PCCA: variants seen among roughly 807,000 people sequenced by gnomAD.
PCCA encodes propionyl-CoA carboxylase subunit alpha.
A neutral mutation model predicts 101.3 loss-of-function variants in PCCA; 74 were observed. The observed-to-expected ratio is 0.73, with a 90% CI of 0.61 to 0.89. PCCA has a LOEUF of 0.89. Among genes scored for constraint, PCCA ranks in the 40% least tolerant of loss-of-function variants. The pLI is 0.00. For synonymous variants in PCCA, 294 were observed against 313.6 expected, an observed-to-expected ratio of 0.94 and a Z score of 0.66; for missense variants, 891 against 907.0, an observed-to-expected ratio of 0.98 and a Z score of 0.23.
chr13:100,521,853 C>A (rs761683596), intron 22 of PCCA, among the ~76,000 whole-genome samples: 4 of 152,158 alleles, frequency 2.6e-5, no homozygotes, highest in Non-Finnish European at 5.9e-5. Flanking sequence ...GGTGGTCCGG[C>A]GTTGCAGAAG....
chr13:100,212,198 A>G (rs2152483714), intron 7 of PCCA, among the ~76,000 whole-genome samples: 1 of 152,318 alleles, frequency 6.6e-6, no homozygotes, highest in South Asian at 2.1e-4. Context: ...CTGAAACTAG[A>G]GATTGGTACT....
intron 20 of PCCA, among the ~76,000 whole-genome samples, chr13:100,448,926 A>G (rs2081031343): frequency 6.6e-6 from 1 of 152,186 alleles, no homozygotes; most frequent in African/African-American, 2.4e-5. Context: ...ACCCCACACC[A>G]ATTAGCAGTC....
At chr13:100,250,555 T>C (rs1432922104) in intron 8 of PCCA, among the ~76,000 whole-genome samples, 4 of 152,164 alleles carry the variant, frequency 2.6e-5, no homozygotes, top group Non-Finnish European at 5.9e-5. Context: ...TACCTGTTTG[T>C]AATAGCTGTA....
At chr13:100,302,778 G>T (rs1407059758) in intron 13 of PCCA, 146 bp from the exon 14 acceptor site, 3 of 686,406 alleles carry the variant, frequency 4.4e-6, no homozygotes, top group Non-Finnish European at 8.1e-6. Flanking sequence ...TAGCGTAAAA[G>T]ACAATAATAT....
intron 6 of PCCA, among the ~76,000 whole-genome samples, chr13:100,206,817 C>T (rs1021088535): frequency 1.3e-5 from 2 of 152,148 alleles, no homozygotes; most frequent in Non-Finnish European, 2.9e-5. Context: ...GAACCAGATC[C>T]TAAGACCTTC....
intron 19 of PCCA, among the ~76,000 whole-genome samples, chr13:100,381,793 T>C (rs1221144198): frequency 6.6e-6 from 1 of 152,232 alleles, no homozygotes; most frequent in African/African-American, 2.4e-5. Context: ...CCAGCCGTTT[T>C]GGCGCCAGTG....
At chr13:100,348,726 T>C (rs111237319) in intron 18 of PCCA, among the ~76,000 whole-genome samples, 52 of 105,756 alleles carry the variant, frequency 4.9e-4, no homozygotes, top group African/African-American at 1.8e-3. Context: ...CCGTTTTTTT[T>C]CCTTTCTTTC....
chr13:100,330,219 A>G (rs1396230771), intron 16 of PCCA, among the ~76,000 whole-genome samples: 2 of 152,216 alleles, frequency 1.3e-5, no homozygotes, highest in Non-Finnish European at 2.9e-5. Context: ...CATTGAGAAA[A>G]AGGAGCTGAT....
At chr13:100,367,725 G>A (rs911355723) in intron 18 of PCCA, among the ~76,000 whole-genome samples, 3 of 149,428 alleles carry the variant, frequency 2.0e-5, no homozygotes, top group Admixed American at 6.7e-5. Context: ...TTGGGAAGCC[G>A]AGGCGGGTGG....
At chr13:100,516,684 ACTGT>A (rs915026963) in intron 22 of PCCA, among the ~76,000 whole-genome samples, 22 of 152,128 alleles carry the variant, frequency 1.4e-4, no homozygotes, top group African/African-American at 4.6e-4. Flanking sequence ...CCTCTTTAAG[ACTGT>A]CTAATGCCCA....
At chr13:100,305,925 T>C (rs1249380180) in intron 14 of PCCA, 5 of 336,384 alleles carry the variant, frequency 1.5e-5, no homozygotes, top group Non-Finnish European at 2.3e-5. Flanking sequence ...TGTTTGTGCT[T>C]GCAAATACAG....
chr13:100,445,578 T>G (rs1415589889), intron 20 of PCCA, among the ~76,000 whole-genome samples: 2 of 152,154 alleles, frequency 1.3e-5, no homozygotes, highest in African/African-American at 4.8e-5. Context: ...TAATATTTCC[T>G]CAACACCCCC....
At chr13:100,091,266 T>C (rs1186212730) in intron 1 of PCCA, among the ~76,000 whole-genome samples, 2 of 152,256 alleles carry the variant, frequency 1.3e-5, no homozygotes, top group Non-Finnish European at 2.9e-5. Flanking sequence ...AGGCTGTTAC[T>C]GTACTTACTG....
chr13:100,480,526 C>T (rs1187062620), intron 21 of PCCA, among the ~76,000 whole-genome samples: 1 of 152,150 alleles, frequency 6.6e-6, no homozygotes, highest in Non-Finnish European at 1.5e-5. Context: ...TTTCTTTTTA[C>T]AAATGGGAGG....
intron 21 of PCCA, among the ~76,000 whole-genome samples, chr13:100,458,129 A>C (rs1333122064): frequency 2.0e-5 from 3 of 152,044 alleles, no homozygotes; most frequent in Non-Finnish European, 4.4e-5. Context: ...TTCGCTTATA[A>C]ACTTTCAATC....
chr13:100,476,323 G>T (rs1265207946), intron 21 of PCCA, among the ~76,000 whole-genome samples: 2 of 152,132 alleles, frequency 1.3e-5, no homozygotes. Context: ...AACTCAGATA[G>T]TAAAAATATT....
intron 22 of PCCA, among the ~76,000 whole-genome samples, chr13:100,522,962 G>A (rs1224330121): frequency 6.6e-6 from 1 of 152,196 alleles, no homozygotes; most frequent in Admixed American, 6.5e-5. Context: ...ATCTGGTCTT[G>A]AGCACCGCTT....
intron 21 of PCCA, among the ~76,000 whole-genome samples, chr13:100,507,614 C>G (rs1045437941): frequency 6.6e-6 from 1 of 152,152 alleles, no homozygotes; most frequent in African/African-American, 2.4e-5. Flanking sequence ...GAAATAAATC[C>G]TCTCTGTTAT....
chr13:100,490,564 T>C (rs1271469137), intron 21 of PCCA: 1 of 152,262 alleles, frequency 6.6e-6, no homozygotes, highest in Non-Finnish European at 1.5e-5. Flanking sequence ...TAGTATTTTC[T>C]GAACAGTTTT....
Sources: gnomAD v4.1 joint callset for allele counts (sites outside exome capture counted in the v4.1 genomes callset) on GRCh38, gnomAD v4.1.1 for gene constraint, MANE v1.5 for transcripts, NCBI Gene and HGNC (gene_info 2026-07-23, HGNC 2026-07-21) for gene names.